BUD13: variants seen among roughly 807,000 people sequenced by gnomAD.
BUD13 encodes BUD13 homolog.
A neutral mutation model predicts 62.5 loss-of-function variants in BUD13; 47 were observed. That is an observed-to-expected ratio of 0.75 (90% CI 0.60 to 0.96). The LOEUF is 0.96. Among genes scored for constraint, BUD13 ranks in the 40% least tolerant of loss-of-function variants. The pLI is 0.00. For synonymous variants in BUD13, 293 were observed against 280.1 expected, an observed-to-expected ratio of 1.05 and a Z score of -0.46; for missense variants, 821 against 790.9, an observed-to-expected ratio of 1.04 and a Z score of -0.46.
intron 4 of BUD13, 113 bp downstream of exon 4, chr11:116,762,440 T>G: frequency 1.0e-6 from 1 of 955,370 alleles, no homozygotes; most frequent in Non-Finnish European, 1.5e-6. Flanking sequence ...GCCTCTCACT[T>G]TTCAAAACTT....
At position 116,762,981 on chromosome 11, in the gene BUD13, G is replaced by T. The variant is rs755798049; in HGVS notation, c.608C>A (p.Pro203Gln). 3.1e-6 allele frequency: 5 copies of T among 1,613,806 alleles called. No homozygotes were observed. Among genetic ancestry groups the T allele is most frequent in the Middle Eastern group, 1.6e-4 (1 of 6,062 alleles). The change falls in exon 4 of 10, where the codon CCA becomes CAA. Residue 203 changes from proline (P) to glutamine (Q), a missense_variant. Coordinates refer to ENST00000260210, the MANE Select transcript of BUD13 (RefSeq NM_032725.4). ...ARHDSPDPSP[P>Q]RRPQHNSSGA... ...TGAAGAATTATGCTGAGGCCTCCTTGGGGGAGAAGGATCTGGAGAATCATG... is the reference window on the plus strand; with the variant it reads ...TGAAGAATTATGCTGAGGCCTCCTTTGGGGAGAAGGATCTGGAGAATCATG...
At chr11:116,771,059 T>C (rs1447452247) in intron 1 of BUD13, among the ~76,000 whole-genome samples, 2 of 152,196 alleles carry the variant, frequency 1.3e-5, no homozygotes, top group Admixed American at 6.5e-5. Flanking sequence ...CCTCCCAAAG[T>C]GCTAGGAAAC....
At chr11:116,750,697 T>C (rs1940217262) in intron 9 of BUD13, among the ~76,000 whole-genome samples, 1 of 152,202 alleles carries the variant, frequency 6.6e-6, no homozygotes. Flanking sequence ...ACTTCCAATC[T>C]TGTACCTTTC....
chr11:116,772,976 G>A lies in BUD13; in HGVS notation c.-12C>T, dbSNP rs780273873. The A allele has an allele frequency of 2.6e-6, 4 of 1,530,016 alleles. No homozygotes were observed. The highest frequency in any genetic ancestry group is 1.4e-5 in the African/African-American group (1 of 70,496). 94.8% of individuals were successfully genotyped at this position (1,530,016 alleles called of 1,614,324 possible). A position where few individuals can be genotyped will look rare whatever the true frequency, so the allele number is the denominator to read the frequency against. On this transcript the variant is annotated 5_prime_UTR_variant, in exon 1 of 10. Transcript: ENST00000260210. Reference sequence around the variant, plus strand: ...GGAGCTGCCGCCATGGCAGCGGCGGGGGCAGAGAGACGGGTCGGCGCTGGG... The same window carrying A: ...GGAGCTGCCGCCATGGCAGCGGCGGAGGCAGAGAGACGGGTCGGCGCTGGG...
At chr11:116,769,123 CACTTT>C (rs1313522599) in intron 2 of BUD13, among the ~76,000 whole-genome samples, 3 of 152,080 alleles carry the variant, frequency 2.0e-5, no homozygotes, top group Non-Finnish European at 4.4e-5. Flanking sequence ...CTCTCCTTTC[CACTTT>C]GTTTCTCAGA....
At position 116,760,895 on chromosome 11, in the gene BUD13, G is replaced by T; in HGVS notation, c.1094C>A (p.Pro365Gln). The T allele has an allele frequency of 3.7e-6, 6 of 1,614,054 alleles. No homozygotes were observed. The highest frequency in any genetic ancestry group is 5.1e-6 in the Non-Finnish European group (6 of 1,179,988). Residue 365 changes from proline to glutamine, a missense_variant, in exon 5 of 10, where the codon CCA (proline) becomes CAA (glutamine). This residue lies in a region of BUD13 where 800 missense variants were observed against 739.2 expected (regional missense o/e 1.08). Transcript: ENST00000260210. The stretch of plus-strand genomic sequence containing the variant: ...ATCTGAATCAGAATCCTGGTGCCCT[G>T]GACTTTGTTTATGCCGTGGAGAAGA... ...DLSSPRHKQSPGHQDSDSDLS... is the reference protein window; with the variant it reads ...DLSSPRHKQSQGHQDSDSDLS...
In BUD13 at chr11:116,757,968, A is replaced by C. The variant is rs577499390; in HGVS notation, c.1500-18T>G. On this transcript the variant is annotated intron_variant, in intron 7 of 9. Transcript: ENST00000260210. ...GGGCAAGCCTGGGCAAAAAGGAACC[A>C]AGAGTGTTTGCTATCCTGTATGACA... 1 of 1,612,598 alleles carries C rather than the reference A, an allele frequency of 6.2e-7. No homozygotes were observed. Among genetic ancestry groups the C allele is most frequent in the South Asian group, 1.1e-5 (1 of 91,018 alleles).
intron 9 of BUD13, among the ~76,000 whole-genome samples, chr11:116,751,628 C>A (rs1391694832): frequency 6.6e-6 from 1 of 151,174 alleles, no homozygotes; most frequent in African/African-American, 2.4e-5. Flanking sequence ...GAAATTCCGT[C>A]TCAAAAAAAA....
intron 1 of BUD13, among the ~76,000 whole-genome samples, chr11:116,771,741 G>C (rs962678967): frequency 2.6e-5 from 4 of 152,182 alleles, no homozygotes; most frequent in Non-Finnish European, 5.9e-5. Context: ...AATAAGGCAA[G>C]CACCAAACCA....
intron 5 of BUD13, among the ~76,000 whole-genome samples, chr11:116,759,457 T>A (rs1429816784): frequency 6.6e-6 from 1 of 152,208 alleles, no homozygotes; most frequent in East Asian, 1.9e-4. Flanking sequence ...ACTGCACACA[T>A]GAAGACTATC....
chr11:116,750,019 A>T (rs180337), intron 9 of BUD13, among the ~76,000 whole-genome samples: 1 of 152,218 alleles, frequency 6.6e-6, no homozygotes, highest in Non-Finnish European at 1.5e-5. Context: ...GAAATCTCTC[A>T]AGTCTAAATC....
chr11:116,772,910 C>A lies in BUD13; in HGVS notation c.55G>T (p.Gly19Trp). 6.3e-7 allele frequency: 1 copy of A among 1,589,958 alleles called. No individual in the cohort carries two copies. Among genetic ancestry groups the A allele is most frequent in the Non-Finnish European group, 8.6e-7 (1 of 1,168,832 alleles). Residue 19 changes from glycine to tryptophan, a missense_variant, in exon 1 of 10, where the codon GGG becomes TGG. This residue lies in a region of BUD13 where 800 missense variants were observed against 739.2 expected (regional missense o/e 1.08). Transcript: ENST00000260210. ...KAEYLKRYLS[G>W]ADAGVDRGSE... ...CCCCGGTCGACGCCGGCATCTGCCC[C>A]GGACAAGTAACGCTTCAGATACTCG... is the stretch of plus-strand genomic sequence containing the variant.
At chr11:116,750,784 C>T (rs978117639) in intron 9 of BUD13, among the ~76,000 whole-genome samples, 9 of 152,198 alleles carry the variant, frequency 5.9e-5, no homozygotes, top group African/African-American at 2.2e-4. Context: ...CGTGTCTCCC[C>T]TTTACCTCTA....
chr11:116,768,503 CAAGT>C (rs1940569313), intron 2 of BUD13, among the ~76,000 whole-genome samples: 1 of 152,042 alleles, frequency 6.6e-6, no homozygotes, highest in Non-Finnish European at 1.5e-5. Context: ...TGGTAACATG[CAAGT>C]GTTTATTCTT....
intron 1 of BUD13, among the ~76,000 whole-genome samples, chr11:116,771,011 T>C (rs925329390): frequency 4.6e-5 from 7 of 150,624 alleles, no homozygotes; most frequent in Non-Finnish European, 8.9e-5. Context: ...CCCAGACTGG[T>C]CTCAAACTCC....
intron 1 of BUD13, among the ~76,000 whole-genome samples, chr11:116,770,784 G>A (rs1231995843): frequency 2.0e-5 from 3 of 150,806 alleles, no homozygotes; most frequent in East Asian, 2.0e-4. Context: ...GTGAGCCACC[G>A]CGCCCGGCCC....
intron 4 of BUD13, 81 bp from the exon 5 acceptor site, chr11:116,761,033 A>C (rs915652743): frequency 3.9e-5 from 45 of 1,141,534 alleles, no homozygotes; most frequent in Admixed American, 2.7e-4. Context: ...GGCTGGGAGA[A>C]GAACCTAGAA....
chr11:116,769,934 G>A (rs1940593360), intron 2 of BUD13, among the ~76,000 whole-genome samples, 195 bp downstream of exon 2: 1 of 151,832 alleles, frequency 6.6e-6, no homozygotes, highest in Non-Finnish European at 1.5e-5. Flanking sequence ...GCGGGTGCCT[G>A]TAATCCCAGC....
chr11:116,763,216 C>A lies in BUD13; in HGVS notation c.373G>T (p.Asp125Tyr), dbSNP rs1436912520. The A allele has an allele frequency of 1.3e-6, 2 of 1,566,008 alleles. No individual in the cohort carries two copies. The highest frequency in any genetic ancestry group is 1.7e-6 in the Non-Finnish European group (2 of 1,156,054). ...TGACGGACCCTCCTAGGAGATGAAT[C>A]CGGGGTATCGTGACGAAAATGTCTG... ...SNRHFRHDTP[D>Y]SSPRRVRHGT... The change falls in exon 4 of 10, where the codon GAT (aspartate) becomes TAT (tyrosine). Residue 125 changes from aspartate to tyrosine, a missense_variant. Asp to Tyr is a radical substitution (Grantham distance 160, BLOSUM62 -3). Around this residue, in one of 2 missense-constraint regions of BUD13, gnomAD observed 800 missense variants for 739.2 expected, o/e 1.08. Transcript: ENST00000260210.
Sources: gnomAD v4.1 joint callset for allele counts (sites outside exome capture counted in the v4.1 genomes callset) on GRCh38, gnomAD v4.1.1 for gene constraint, gnomAD v4.1.1 regional missense constraint, MANE v1.5 for transcripts, NCBI Gene and HGNC (gene_info 2026-07-23, HGNC 2026-07-21) for gene names.